The following CR1 variants were observed in gnomAD, a reference collection of about 807,000 sequenced individuals.
The protein encoded by CR1 is complement receptor type 1.
In CR1, 116 loss-of-function variants were observed where a neutral mutation model predicts 187.3. That is an observed-to-expected ratio of 0.62 (90% confidence interval 0.53 to 0.72). The LOEUF (loss-of-function observed/expected upper bound fraction) is 0.72. Among genes scored for constraint, CR1 ranks in the 30% least tolerant of loss-of-function variants. The pLI, the probability that CR1 is intolerant of heterozygous loss-of-function variation, is 0.00. For missense variants in CR1, 1,731 were observed against 2,110.7 expected, an observed-to-expected ratio of 0.82 and a Z score of 3.52; for synonymous variants, 576 against 747.1, an observed-to-expected ratio of 0.77 and a Z score of 3.73.
At chr1:207,629,687 A>T (rs2102413455) in intron 45 of CR1, among the ~76,000 whole-genome samples, 1 of 152,326 alleles carries the variant, frequency 6.6e-6, no homozygotes, top group Middle Eastern at 3.4e-3. Context: ...CCCTAATACC[A>T]ACTCATACAT....
At chr1:207,509,149 A>G (rs1215134115) in intron 3 of CR1, among the ~76,000 whole-genome samples, 1 of 152,196 alleles carries the variant, frequency 6.6e-6, no homozygotes, top group Non-Finnish European at 1.5e-5. Flanking sequence ...ATAGATTAAG[A>G]AGGAAAATGG....
chr1:207,501,111 C>A (rs1659252997), intron 1 of CR1, among the ~76,000 whole-genome samples: 1 of 152,014 alleles, frequency 6.6e-6, no homozygotes, highest in African/African-American at 2.4e-5. Flanking sequence ...TAAGAGAAAA[C>A]CACCTGAGTT....
At chr1:207,524,056 G>T (rs1394005884) in intron 5 of CR1, 47 bp downstream of exon 5, 3 of 1,611,734 alleles carry the variant, frequency 1.9e-6, no homozygotes, top group Non-Finnish European at 1.7e-6. Context: ...GACATGCGTT[G>T]CTGTTGGATC....
intron 41 of CR1, among the ~76,000 whole-genome samples, chr1:207,617,555 ATGTG>A (rs1558271463): frequency 1.4e-4 from 14 of 103,686 alleles, no homozygotes; most frequent in Non-Finnish European, 2.5e-4. Context: ...GTATATATAT[ATGTG>A]TATATATATG....
At chr1:207,577,249 A>AAAAC (rs1368773842) in intron 28 of CR1, among the ~76,000 whole-genome samples, 5 of 142,748 alleles carry the variant, frequency 3.5e-5, no homozygotes, top group Non-Finnish European at 6.0e-5. Context: ...AGGATCTGTT[A>AAAAC]AAACAAACAA....
intron 23 of CR1, among the ~76,000 whole-genome samples, chr1:207,565,321 C>A (rs1649125368): frequency 6.7e-6 from 1 of 150,330 alleles, no homozygotes; most frequent in South Asian, 2.1e-4. Flanking sequence ...AATATTCATG[C>A]TTACTCTTCA....
At chr1:207,575,464 C>T (rs756025055) in intron 27 of CR1, 131 bp from the exon 28 acceptor site, 18 of 1,116,436 alleles carry the variant, frequency 1.6e-5, no homozygotes, top group Non-Finnish European at 2.4e-5. Context: ...GAGCTGGAAA[C>T]AATAGGTAAA....
chr1:207,517,163 TC>T (rs1346082361), intron 4 of CR1, among the ~76,000 whole-genome samples: 1 of 152,156 alleles, frequency 6.6e-6, no homozygotes, highest in Non-Finnish European at 1.5e-5. Context: ...TCTTTTTCAC[TC>T]TGTTAATGTA....
chr1:207,526,801 A>C lies in CR1; in HGVS notation c.935A>C (p.Asp312Ala), dbSNP rs1660187256. Residue 312 changes from aspartate to alanine, a missense_variant, in exon 6 of 47, where the codon GAC (aspartate) becomes GCC (alanine). Coordinates refer to ENST00000367049, the MANE Select transcript of CR1 (RefSeq NM_000651.6). ...CTGCATGCTGAGCGTACCCAAAGGGACAAGGACAACTTTTCACCTGGGCAG... is the reference window on the plus strand; with the variant it reads ...CTGCATGCTGAGCGTACCCAAAGGGCCAAGGACAACTTTTCACCTGGGCAG... ...DVLHAERTQRDKDNFSPGQEV... is the reference protein window; with the variant it reads ...DVLHAERTQRAKDNFSPGQEV... The C allele has an allele frequency of 1.0e-5, 15 of 1,502,066 alleles. 3 individuals are homozygous for C. The highest frequency in any genetic ancestry group is 1.1e-5 in the Non-Finnish European group (13 of 1,132,810). 93.0% of individuals were successfully genotyped at this position (1,502,066 alleles called of 1,614,324 possible). A position where few individuals can be genotyped will look rare whatever the true frequency, so the allele number is the denominator to read the frequency against.
chr1:207,597,117 A>G (rs1221428485), intron 35 of CR1, among the ~76,000 whole-genome samples: 2 of 148,898 alleles, frequency 1.3e-5, no homozygotes, highest in Admixed American at 6.6e-5. Context: ...ATTACAAAAT[A>G]TACTACTATG....
chr1:207,515,480 A>G (rs1206864912), intron 4 of CR1, among the ~76,000 whole-genome samples: 1 of 151,952 alleles, frequency 6.6e-6, no homozygotes, highest in Non-Finnish European at 1.5e-5. Context: ...CTTCCCAAAG[A>G]AACCACTATT....
chr1:207,601,537 A>T (rs11118147), intron 35 of CR1, among the ~76,000 whole-genome samples: 1 of 151,996 alleles, frequency 6.6e-6, no homozygotes, highest in African/African-American at 2.4e-5. Context: ...CCCATCAGCA[A>T]TGCACAAATG....
At chr1:207,587,804 T>C (rs1313819203) in intron 34 of CR1, among the ~76,000 whole-genome samples, 3 of 152,244 alleles carry the variant, frequency 2.0e-5, no homozygotes, top group African/African-American at 7.2e-5. Flanking sequence ...AAGCAAGATG[T>C]CTATATTTGC....
intron 4 of CR1, among the ~76,000 whole-genome samples, chr1:207,515,620 A>T (rs1659787703): frequency 6.6e-6 from 1 of 152,130 alleles, no homozygotes. Flanking sequence ...TTTTTGCAGG[A>T]AGGATTGTTG....
At chr1:207,616,185 C>A (rs1176195625) in intron 40 of CR1, among the ~76,000 whole-genome samples, 3 of 152,096 alleles carry the variant, frequency 2.0e-5, no homozygotes, top group Non-Finnish European at 2.9e-5. Context: ...CATAGATTTC[C>A]TTGAAACTTA....
At position 207,588,791 on chromosome 1, in the gene CR1, A is replaced by G. The variant is rs1018795276; in HGVS notation, c.5810+17A>G. 7.1e-6 allele frequency: 11 copies of G among 1,538,658 alleles called. No individual in the cohort carries two copies. Among genetic ancestry groups the G allele is most frequent in the Middle Eastern group, 1.7e-4 (1 of 5,936 alleles). On this transcript the variant is annotated intron_variant, in intron 35 of 46. Transcript: ENST00000367049. The stretch of plus-strand genomic sequence containing the variant: ...TAATGAAGGGTGAGTTGAGAATACC[A>G]TCTCTTGAATATGAGTTCCAGAACA...
chr1:207,506,113 G>A, intron 2 of CR1, 30 bp downstream of exon 2: 3 of 1,583,462 alleles, frequency 1.9e-6, no homozygotes, highest in Non-Finnish European at 2.6e-6. Context: ...GAACCCCCCT[G>A]TTAGTCAAAC....
intron 43 of CR1, among the ~76,000 whole-genome samples, chr1:207,620,857 A>T (rs1662292897): frequency 6.6e-6 from 1 of 152,220 alleles, no homozygotes; most frequent in Admixed American, 6.5e-5. Context: ...CTGACAGAAA[A>T]TTCAGGTCAT....
chr1:207,636,948 TC>T (rs2102422464), intron 46 of CR1, among the ~76,000 whole-genome samples: 1 of 152,340 alleles, frequency 6.6e-6, no homozygotes, highest in South Asian at 2.1e-4. Context: ...TAACTATATT[TC>T]CTACAACTAG....
Sources: gnomAD v4.1 joint callset for allele counts (sites outside exome capture counted in the v4.1 genomes callset) on GRCh38, gnomAD v4.1.1 for gene constraint, MANE v1.5 for transcripts, NCBI Gene and HGNC (gene_info 2026-07-23, HGNC 2026-07-21) for gene names.